The following NRG3 variants were observed in gnomAD, a reference collection of about 807,000 sequenced individuals.
The protein encoded by NRG3 is pro-neuregulin-3, membrane-bound isoform.
In NRG3, 31 loss-of-function variants were observed where a neutral mutation model predicts 66.9. The observed-to-expected ratio is 0.46, with a 90% confidence interval of 0.35 to 0.63. NRG3 has a LOEUF of 0.63. Ranked by LOEUF, NRG3 falls within the 20% of genes least tolerant of loss-of-function variation. The pLI is 0.00. For missense variants in NRG3, 910 were observed against 878.9 expected (o/e 1.04, Z -0.45); for synonymous variants, 393 against 359.4 (o/e 1.09, Z -1.06).
intron 1 of NRG3, among the ~76,000 whole-genome samples, chr10:82,236,575 T>C (rs953521071): frequency 6.6e-6 from 1 of 152,164 alleles, no homozygotes; most frequent in Non-Finnish European, 1.5e-5. Flanking sequence ...CGGAAATATA[T>C]CTTTACTCAG....
In NRG3 at chr10:82,195,286, G is replaced by A. The variant is rs182835720; in HGVS notation, c.824-163453G>A. Among the ~76,000 whole-genome samples, 3 of 152,300 alleles carry A rather than the reference G, an allele frequency of 2.0e-5. No homozygotes were observed. The East Asian group carries it at 5.8e-4, about 29-fold the overall frequency. On this transcript the variant is annotated intron_variant, in intron 1 of 8. Transcript: ENST00000372141. ...CTTGTTCATGTTTCCATGGACACGTGCAGTTGAGTCCAGCTTTGCACTTCA... is the reference window on the plus strand; with the variant it reads ...CTTGTTCATGTTTCCATGGACACGTACAGTTGAGTCCAGCTTTGCACTTCA...
intron 1 of NRG3, among the ~76,000 whole-genome samples, chr10:82,085,382 GA>G (rs1156503082): frequency 2.0e-5 from 3 of 152,062 alleles, no homozygotes; most frequent in Non-Finnish European, 4.4e-5. Context: ...TGCTATAATA[GA>G]ATTTCTGAGA....
At chr10:82,372,692 C>G (rs1359759167) in intron 2 of NRG3, among the ~76,000 whole-genome samples, 1 of 152,118 alleles carries the variant, frequency 6.6e-6, no homozygotes, top group Non-Finnish European at 1.5e-5. Context: ...CTCCCTGGGT[C>G]AAGCAATTCT....
intron 3 of NRG3, chr10:82,799,990 A>T (rs1286192192): frequency 2.0e-5 from 3 of 152,162 alleles, no homozygotes; most frequent in Non-Finnish European, 4.4e-5. Context: ...ACCCGCCATG[A>T]TACACCCTTC....
intron 1 of NRG3, among the ~76,000 whole-genome samples, chr10:81,960,108 T>C (rs1289408326): frequency 6.6e-6 from 1 of 152,208 alleles, no homozygotes; most frequent in Non-Finnish European, 1.5e-5. Flanking sequence ...TTTTGTGGGA[T>C]GGTTGCGGCA....
At chr10:82,687,125 T>G (rs1333587414) in intron 2 of NRG3, among the ~76,000 whole-genome samples, 1 of 152,218 alleles carries the variant, frequency 6.6e-6, no homozygotes, top group Non-Finnish European at 1.5e-5. Flanking sequence ...TTTGGCCTCA[T>G]TAACCACTTT....
In NRG3 at chr10:82,192,209, G is replaced by A. The variant is rs192795632; in HGVS notation, c.824-166530G>A. 1.4e-4 allele frequency among the ~76,000 whole-genome samples: 21 copies of A among 152,208 alleles called. No individual in the cohort carries two copies. The East Asian group carries it at 2.3e-3, about 17-fold the overall frequency. ...CTTAGGATTCTTCCCAGCAGAAAAC[G>A]CTAACAATTGCAATTATCACCATTA... On this transcript the variant is annotated intron_variant, in intron 1 of 8. Coordinates refer to ENST00000372141, the MANE Select transcript of NRG3 (RefSeq NM_001010848.4).
At chr10:82,768,251 G>A (rs1484904268) in intron 3 of NRG3, among the ~76,000 whole-genome samples, 2 of 152,090 alleles carry the variant, frequency 1.3e-5, no homozygotes, top group East Asian at 3.9e-4. Flanking sequence ...TTTAGTCTCA[G>A]ACTTCTCTGT....
intron 1 of NRG3, among the ~76,000 whole-genome samples, chr10:82,251,484 C>G (rs1019437024): frequency 1.3e-5 from 2 of 152,160 alleles, no homozygotes; most frequent in Non-Finnish European, 2.9e-5. Context: ...GATTCCCTCA[C>G]AGACTGCCTG....
chr10:82,209,412 G>A (rs990436930), intron 1 of NRG3, among the ~76,000 whole-genome samples: 3 of 152,110 alleles, frequency 2.0e-5, no homozygotes, highest in Non-Finnish European at 4.4e-5. Flanking sequence ...AATTAAATTC[G>A]TTTGAGTAGG....
chr10:82,947,470 C>T (rs896842585), intron 4 of NRG3, among the ~76,000 whole-genome samples: 1 of 151,904 alleles, frequency 6.6e-6, no homozygotes, highest in Non-Finnish European at 1.5e-5. Flanking sequence ...AATGGAATGG[C>T]GAGATCATAA....
intron 1 of NRG3, among the ~76,000 whole-genome samples, chr10:82,277,670 C>T (rs866996470): frequency 2.0e-5 from 3 of 151,996 alleles, no homozygotes; most frequent in Non-Finnish European, 2.9e-5. Context: ...CCTATTGCTC[C>T]GTGCTGGTCT....
At chr10:82,843,082 C>G (rs2063141476) in intron 3 of NRG3, among the ~76,000 whole-genome samples, 1 of 152,106 alleles carries the variant, frequency 6.6e-6, no homozygotes, top group African/African-American at 2.4e-5. Flanking sequence ...CTATAGATAA[C>G]TGAAGTCACA....
chr10:82,613,554 T>C (rs1265604817), intron 2 of NRG3, among the ~76,000 whole-genome samples: 1 of 151,870 alleles, frequency 6.6e-6, no homozygotes, highest in African/African-American at 2.4e-5. Flanking sequence ...TTTTGAATTG[T>C]ATTACAAGTC....
At chr10:82,920,672 A>G (rs1846338945) in intron 4 of NRG3, among the ~76,000 whole-genome samples, 1 of 152,122 alleles carries the variant, frequency 6.6e-6, no homozygotes, top group Admixed American at 6.6e-5. Flanking sequence ...ACAGCAGGGA[A>G]TATACAAGAT....
chr10:82,464,260 AT>A (rs1840464903), intron 2 of NRG3, among the ~76,000 whole-genome samples: 1 of 152,030 alleles, frequency 6.6e-6, no homozygotes, highest in South Asian at 2.1e-4. Context: ...GCTCAGGAAA[AT>A]TTTTTCTTAG....
chr10:82,456,248 ATCC>A (rs1282203917), intron 2 of NRG3, among the ~76,000 whole-genome samples: 1 of 148,062 alleles, frequency 6.8e-6, no homozygotes, highest in Non-Finnish European at 1.5e-5. Flanking sequence ...GGCTTAAGTG[ATCC>A]TCCTCTGGCT....
At chr10:82,906,158 C>G (rs1030364372) in intron 4 of NRG3, among the ~76,000 whole-genome samples, 1 of 152,174 alleles carries the variant, frequency 6.6e-6, no homozygotes, top group African/African-American at 2.4e-5. Context: ...TGGGGCTTCT[C>G]TTCTTAAAAC....
intron 4 of NRG3, among the ~76,000 whole-genome samples, chr10:82,929,965 A>T (rs1321734547): frequency 6.6e-6 from 1 of 151,908 alleles, no homozygotes; most frequent in Non-Finnish European, 1.5e-5. Flanking sequence ...GTTCTCGCAG[A>T]CCCCCCTGCT....
Sources: gnomAD v4.1 joint callset for allele counts (sites outside exome capture counted in the v4.1 genomes callset) on GRCh38, gnomAD v4.1.1 for gene constraint, MANE v1.5 for transcripts, NCBI Gene and HGNC (gene_info 2026-07-23, HGNC 2026-07-21) for gene names.